The following UBE2Q2 variants were observed in gnomAD, a reference collection of about 807,000 sequenced individuals.
UBE2Q2 encodes ubiquitin conjugating enzyme E2 Q2.
Under a neutral mutation model 59.9 loss-of-function variants are expected in UBE2Q2, and 54 were observed. The ratio of observed to expected loss-of-function variants is 0.90; its 90% CI spans 0.72 to 1.13. The LOEUF is 1.13. Among genes scored for constraint, UBE2Q2 ranks in the 50% most tolerant of loss-of-function variants. The pLI is 0.00. For missense variants in UBE2Q2, 433 were observed against 441.9 expected (o/e 0.98, Z 0.18); for synonymous variants, 165 against 155.2 (o/e 1.06, Z -0.47).
At chr15:75,846,035 A>G (rs182671741) in intron 1 of UBE2Q2, among the ~76,000 whole-genome samples, 3 of 152,322 alleles carry the variant, frequency 2.0e-5, no homozygotes, top group Admixed American at 6.5e-5. Context: ...GCTCAGTACA[A>G]ATGTCTGCTA....
intron 11 of UBE2Q2, among the ~76,000 whole-genome samples, 160 bp from the exon 12 acceptor site, chr15:75,896,835 A>G (rs1230134576): frequency 6.6e-6 from 1 of 152,242 alleles, no homozygotes; most frequent in African/African-American, 2.4e-5. Flanking sequence ...GTAGAGAATA[A>G]TGAAACTGAG....
rs550510244 is a variant in UBE2Q2, at chr15:75,871,281, C to T, written c.448-2147C>T. ...TATCTCAGTAGATGGAACGTACAAT[C>T]GGGTTTTATACCGAGACATTCCATT... is the stretch of plus-strand genomic sequence containing the variant. On this transcript the variant is annotated intron_variant, in intron 4 of 12. Transcript: ENST00000267938. Among the ~76,000 whole-genome samples, 24 of 152,350 alleles carry T rather than the reference C, an allele frequency of 1.6e-4. No individual in the cohort carries two copies. The South Asian group carries it at 4.8e-3, about 30-fold the overall frequency.
At chr15:75,879,075 GT>G in intron 7 of UBE2Q2, 22 bp from the exon 8 acceptor site, 2 of 1,501,994 alleles carry the variant, frequency 1.3e-6, no homozygotes, top group Non-Finnish European at 1.8e-6. Flanking sequence ...TATTTGAACT[GT>G]TTTTTGTTTT....
At chr15:75,858,666 A>T (rs1389447060) in intron 2 of UBE2Q2, among the ~76,000 whole-genome samples, 1 of 151,860 alleles carries the variant, frequency 6.6e-6, no homozygotes, top group Non-Finnish European at 1.5e-5. Flanking sequence ...TGACTCCACT[A>T]CCCTGCTGCC....
intron 9 of UBE2Q2, among the ~76,000 whole-genome samples, chr15:75,885,394 G>A (rs1238963161): frequency 2.0e-5 from 3 of 152,168 alleles, no homozygotes; most frequent in East Asian, 1.9e-4. Context: ...GGGATTACAC[G>A]CATGAGCTAC....
chr15:75,853,122 A>G (rs1896712968), intron 1 of UBE2Q2, among the ~76,000 whole-genome samples: 2 of 152,196 alleles, frequency 1.3e-5, no homozygotes, highest in Admixed American at 1.3e-4. Flanking sequence ...AGTGGGTGAA[A>G]GCACATAATG....
At chr15:75,849,214 A>G (rs1896510475) in intron 1 of UBE2Q2, among the ~76,000 whole-genome samples, 1 of 152,178 alleles carries the variant, frequency 6.6e-6, no homozygotes, top group South Asian at 2.1e-4. Context: ...TTAAGGTACT[A>G]TATGCTAATT....
intron 9 of UBE2Q2, among the ~76,000 whole-genome samples, chr15:75,887,191 G>A (rs1227041543): frequency 6.6e-6 from 1 of 152,128 alleles, no homozygotes; most frequent in African/African-American, 2.4e-5. Context: ...AGCTATATAA[G>A]AGGGGATTAA....
At chr15:75,857,208 C>G (rs1327394554) in intron 2 of UBE2Q2, among the ~76,000 whole-genome samples, 3 of 152,176 alleles carry the variant, frequency 2.0e-5, no homozygotes, top group African/African-American at 7.2e-5. Flanking sequence ...TGTTTACATC[C>G]CCAGCAAGGG....
At chr15:75,876,080 A>AG in intron 5 of UBE2Q2, 107 bp from the exon 6 acceptor site, 1 of 1,147,520 alleles carries the variant, frequency 8.7e-7, no homozygotes, top group East Asian at 2.4e-5. Flanking sequence ...AAAAAAAAAA[A>AG]AAATGTTGAG....
rs1555418199 is a variant in UBE2Q2, at chr15:75,853,504, A to ATG, written c.181-881_181-880insGT. On this transcript the variant is annotated intron_variant, in intron 1 of 12. Coordinates refer to ENST00000267938, the MANE Select transcript of UBE2Q2 (RefSeq NM_173469.4). ...AGAAAAAAAAATTATATATATATAT[A>ATG]TATGTATGTATGTATGTATGTGTGT... is the stretch of plus-strand genomic sequence containing the variant. Among the ~76,000 whole-genome samples, 1,037 of 151,518 alleles carry ATG rather than the reference A, an allele frequency of 6.8e-3. 8 individuals are homozygous for ATG. Among genetic ancestry groups the ATG allele is most frequent in the Admixed American group, 9.5e-3 (144 of 15,210 alleles).
Position 75,897,061 on chromosome 15 carries a change from G to T in UBE2Q2, c.1096G>T (p.Gly366Cys). 6.5e-7 allele frequency: 1 copy of T among 1,546,942 alleles called. No homozygotes were observed. Among genetic ancestry groups the T allele is most frequent in the East Asian group, 2.4e-5 (1 of 42,226 alleles). The part of the protein sequence containing the change: ...NSIVQIHEKN[G>C]WYTPPKEDG ...CATTGTACAGATACATGAGAAAAATGGTATGTTTAATTCAATAAGTGTTTA... is the reference window on the plus strand; with the variant it reads ...CATTGTACAGATACATGAGAAAAATTGTATGTTTAATTCAATAAGTGTTTA... Residue 366 changes from glycine to cysteine, a missense_variant and splice_region_variant, in exon 12 of 13, where the codon GGC becomes TGC. Physicochemically the swap from Gly to Cys is radical, Grantham distance 159. Coordinates refer to ENST00000267938, the MANE Select transcript of UBE2Q2 (RefSeq NM_173469.4).
intron 1 of UBE2Q2, chr15:75,844,716 A>T: frequency 2.5e-6 from 1 of 394,782 alleles, no homozygotes; most frequent in Non-Finnish European, 4.6e-6. Flanking sequence ...TCGTGAAGCT[A>T]TTCGTCGTGA....
At chr15:75,886,871 T>C (rs1898807775) in intron 9 of UBE2Q2, among the ~76,000 whole-genome samples, 1 of 152,068 alleles carries the variant, frequency 6.6e-6, no homozygotes, top group African/African-American at 2.4e-5. Flanking sequence ...TCAAATTTTT[T>C]TTTTTTTTAA....
intron 2 of UBE2Q2, among the ~76,000 whole-genome samples, chr15:75,857,741 A>C (rs12910494): frequency 0.23 from 34,373 of 150,344 alleles, 4,751 homozygotes; most frequent in Non-Finnish European, 0.31. Flanking sequence ...TTTATAATAG[A>C]ATATTCTGTT....
At chr15:75,847,694 T>C (rs1896426672) in intron 1 of UBE2Q2, among the ~76,000 whole-genome samples, 1 of 152,122 alleles carries the variant, frequency 6.6e-6, no homozygotes, top group Non-Finnish European at 1.5e-5. Context: ...TATATGGCTT[T>C]AGTCGTTTTG....
chr15:75,898,187 G>A (rs1053904588), intron 12 of UBE2Q2, among the ~76,000 whole-genome samples: 2 of 152,120 alleles, frequency 1.3e-5, no homozygotes, highest in African/African-American at 2.4e-5. Context: ...TGCGGAACCT[G>A]GGACACAGAT....
intron 5 of UBE2Q2, among the ~76,000 whole-genome samples, chr15:75,874,181 T>C (rs962230730): frequency 6.6e-6 from 1 of 152,090 alleles, no homozygotes; most frequent in African/African-American, 2.4e-5. Flanking sequence ...AAATTCATCC[T>C]CTCCGACAAA....
chr15:75,843,879 G>A, intron 1 of UBE2Q2, 33 bp downstream of exon 1: 1 of 1,524,056 alleles, frequency 6.6e-7, no homozygotes, highest in Non-Finnish European at 8.8e-7. Context: ...CGCGGGGCAG[G>A]GCGAGGACGG....
Sources: allele counts gnomAD v4.1 joint callset (sites outside exome capture counted in the v4.1 genomes callset), GRCh38; gene constraint gnomAD v4.1.1; transcripts MANE v1.5; gene names NCBI Gene and HGNC (gene_info 2026-07-23, HGNC 2026-07-21).